The following C8orf58 variants were observed in gnomAD, a reference collection of about 807,000 sequenced individuals.
The protein encoded by C8orf58 is uncharacterized protein C8orf58.
A neutral mutation model predicts 36.8 loss-of-function variants in C8orf58; 31 were observed. The observed-to-expected ratio is 0.84, with a 90% CI of 0.63 to 1.14. The LOEUF (loss-of-function observed/expected upper bound fraction) is 1.14, where lower values mean the gene tolerates loss of function less well. Among genes scored for constraint, C8orf58 ranks in the 50% most tolerant of loss-of-function variants. The probability of loss-of-function intolerance (pLI) is 0.00; values close to 1 mark genes in which losing one functional copy is unlikely to be tolerated. For synonymous variants in C8orf58, 230 were observed against 200.2 expected (o/e 1.15, Z -1.26); for missense variants, 538 against 480.8 (o/e 1.12, Z -1.11).
rs1586936770 is a variant in C8orf58 at position 22,599,732 on chromosome 8, G to C, written c.12G>C (p.Arg4=). The C allele has an allele frequency of 8.2e-7, 1 of 1,218,752 alleles. No homozygotes were observed. 75.5% of individuals were successfully genotyped at this position (1,218,752 alleles called of 1,614,324 possible). ...GCCGGGAGCGGGCCATGATGGGCCG[G>C]CGGCGCGCCTTCGCCGTGGACGGCC... The part of the protein sequence containing the change: MMG[R]RRAFAVDGRD... The change falls in exon 1 of 7, where the codon CGG becomes CGC. Residue 4 remains arginine (R), a synonymous_variant. Coordinates refer to ENST00000289989, the MANE Select transcript of C8orf58 (RefSeq NM_001013842.3).
intron 5 of C8orf58, 79 bp from the exon 6 acceptor site, chr8:22,602,458 G>A (rs1170473019): frequency 1.5e-6 from 2 of 1,373,410 alleles, no homozygotes; most frequent in Non-Finnish European, 1.0e-6. Flanking sequence ...TCCTGGCTGT[G>A]GCGACAGCTG....
Position 22,599,672 on chromosome 8 carries a change from G to A in C8orf58, c.-49G>A. 1 of 1,086,996 alleles carries A rather than the reference G, an allele frequency of 9.2e-7. No homozygotes were observed. The highest frequency in any genetic ancestry group is 1.2e-6 in the Non-Finnish European group (1 of 864,820). 67.3% of individuals were successfully genotyped at this position (1,086,996 alleles called of 1,614,324 possible). On this transcript the variant is annotated 5_prime_UTR_variant, in exon 1 of 7. Coordinates refer to ENST00000289989, the MANE Select transcript of C8orf58 (RefSeq NM_001013842.3). ...CCCGAGCTCCGCGGGGACTCGGGCC[G>A]GGATCCTCGGGCGGCTGCATTGGCC...
At chr8:22,602,470 C>A in intron 5 of C8orf58, 67 bp from the exon 6 acceptor site, 1 of 1,424,916 alleles carries the variant, frequency 7.0e-7, no homozygotes, top group Non-Finnish European at 9.8e-7. Flanking sequence ...CGACAGCTGT[C>A]TCTGGGAGCT....
chr8:22,603,180 C>T lies in C8orf58; in HGVS notation c.987-15C>T. On this transcript the variant is annotated splice_polypyrimidine_tract_variant and intron_variant, in intron 6 of 6. Transcript: ENST00000289989. ...TTTCCCCCTTCTAGCCTAATGTCTT[C>T]TTTTCATTCCACAGGATCGAGTCCA... 6.3e-7 allele frequency: 1 copy of T among 1,585,246 alleles called. No homozygotes were observed. The highest frequency in any genetic ancestry group is 8.7e-7 in the Non-Finnish European group (1 of 1,154,120).
At chr8:22,599,978 C>T in intron 1 of C8orf58, 1 of 361,064 alleles carries the variant, frequency 2.8e-6, no homozygotes, top group Non-Finnish European at 4.9e-6. Context: ...TTAAACCAGC[C>T]ACCGCCTCCG....
Position 22,602,605 on chromosome 8 carries a change from C to G in C8orf58, c.948C>G (p.His316Gln). The G allele has an allele frequency of 6.4e-7, 1 of 1,563,890 alleles. No individual in the cohort carries two copies. The highest frequency in any genetic ancestry group is 8.7e-7 in the Non-Finnish European group (1 of 1,151,044). The stretch of plus-strand genomic sequence containing the variant: ...GGATCTGCCGGAGAAGCCACCACCA[C>G]CCTGAGCCCCCTGCCCCTCCTGATG... ...LNRICRRSHH[H>Q]PEPPAPPDGS... Residue 316 changes from histidine (H) to glutamine (Q), a missense_variant, in exon 6 of 7, where the codon CAC (histidine) becomes CAG (glutamine). By Grantham distance (24) the His-to-Gln change is conservative. Coordinates refer to ENST00000289989, the MANE Select transcript of C8orf58 (RefSeq NM_001013842.3).
rs1800929846 is a variant in C8orf58 at position 22,603,283 on chromosome 8, G to A, written c.1075G>A (p.Ala359Thr). The change falls in exon 7 of 7, where the codon GCA becomes ACA. Residue 359 changes from alanine (A) to threonine (T), a missense_variant. Ala to Thr is a moderately conservative substitution (Grantham distance 58, BLOSUM62 0). Transcript: ENST00000289989. ...ATCATTAGTGGTTAAGAAGCAACGA[G>A]CAAAAAACCTTTCTGTAGGCTGAGA... ...MPSLVVKKQR[A>T]KNLSVG 4 of 1,613,782 alleles carry A rather than the reference G, an allele frequency of 2.5e-6. No homozygotes were observed. The highest frequency in any genetic ancestry group is 3.4e-6 in the Non-Finnish European group (4 of 1,179,932).
intron 6 of C8orf58, chr8:22,602,914 C>G (rs1219053736): frequency 3.4e-6 from 2 of 585,056 alleles, no homozygotes; most frequent in East Asian, 2.8e-5. Context: ...TACCCTAGCT[C>G]AGCAACCCCT....
In C8orf58 at chr8:22,603,281, G is replaced by C. The variant is rs140424872; in HGVS notation, c.1073G>C (p.Arg358Pro). The change falls in exon 7 of 7, where the codon CGA (arginine) becomes CCA (proline). Residue 358 changes from arginine (R) to proline (P), a missense_variant. Transcript: ENST00000289989. Reference sequence around the variant, plus strand: ...CCATCATTAGTGGTTAAGAAGCAACGAGCAAAAAACCTTTCTGTAGGCTGA... The same window carrying C: ...CCATCATTAGTGGTTAAGAAGCAACCAGCAAAAAACCTTTCTGTAGGCTGA... ...FMPSLVVKKQ[R>P]AKNLSVG The C allele has an allele frequency of 1.2e-5, 19 of 1,613,874 alleles. No individual in the cohort carries two copies. Among genetic ancestry groups the C allele is most frequent in the Admixed American group, 6.7e-5 (4 of 60,020 alleles).
intron 3 of C8orf58, 52 bp downstream of exon 3, chr8:22,601,904 C>T (rs1800872370): frequency 6.4e-7 from 1 of 1,558,962 alleles, no homozygotes; most frequent in African/African-American, 1.4e-5. Flanking sequence ...CCCTGGGAAC[C>T]ATGGCTGCCC....
intron 1 of C8orf58, chr8:22,600,143 T>G: frequency 1.1e-5 from 2 of 176,864 alleles, no homozygotes; most frequent in Non-Finnish European, 1.2e-5. Context: ...TGGGTTGGCA[T>G]TCGGCTCCCG....
chr8:22,601,992 G>C lies in C8orf58; in HGVS notation c.678G>C (p.Ser226=). Residue 226 remains serine (S), a synonymous_variant, in exon 4 of 7, where the codon TCG becomes TCC. Transcript: ENST00000289989. ...CATAGGATCCCGGCGAGGAGGAGTC[G>C]ACCCGAGCCCCTTTACCGTCCCCGT... ...RPPGDPGEEE[S]TRAPLPSPLH... 7 of 1,557,034 alleles carry C rather than the reference G, an allele frequency of 4.5e-6. No individual in the cohort carries two copies. The highest frequency in any genetic ancestry group is 5.2e-6 in the Non-Finnish European group (6 of 1,147,992).
chr8:22,599,847 C>T (rs1375584491), intron 1 of C8orf58, 87 bp downstream of exon 1: 3 of 601,952 alleles, frequency 5.0e-6, no homozygotes, highest in Non-Finnish European at 7.2e-6. Flanking sequence ...CTCTCAGTTT[C>T]TTGCCCAGCC....
chr8:22,601,389 G>A, intron 2 of C8orf58, 32 bp downstream of exon 2: 1 of 1,488,686 alleles, frequency 6.7e-7, no homozygotes, highest in South Asian at 1.3e-5. Flanking sequence ...GGGTTTAAGA[G>A]TGGGATGGAC....
In C8orf58 at chr8:22,603,303, C is replaced by T. The variant is rs1290104446; in HGVS notation, c.1095C>T (p.Gly365=). The change falls in exon 7 of 7, where the codon GGC becomes GGT. Residue 365 remains glycine, a synonymous_variant. Transcript: ENST00000289989. The part of the protein sequence containing the change: ...KKQRAKNLSV[G] ...AACGAGCAAAAAACCTTTCTGTAGG[C>T]TGAGACCTCTCGGTGCACCTGGTGA... 9 of 1,609,392 alleles carry T rather than the reference C, an allele frequency of 5.6e-6. No individual in the cohort carries two copies. Among genetic ancestry groups the T allele is most frequent in the African/African-American group, 2.7e-5 (2 of 74,868 alleles).
At chr8:22,600,837 G>T (rs372629327) in intron 1 of C8orf58, 45 bp from the exon 2 acceptor site, 5 of 1,473,112 alleles carry the variant, frequency 3.4e-6, no homozygotes, top group African/African-American at 1.4e-5. Flanking sequence ...AATGCTGGGG[G>T]TGTTGGGGGT....
rs3817695 is a variant in C8orf58, at chr8:22,599,649, C to T, written c.-72C>T. 4,338 of 900,114 alleles carry T rather than the reference C, an allele frequency of 4.8e-3. 116 individuals carry two copies. The East Asian group carries it at 0.067, about 14-fold the overall frequency. 55.8% of individuals were successfully genotyped at this position (900,114 alleles called of 1,614,324 possible). A position where few individuals can be genotyped will look rare whatever the true frequency, so the allele number is the denominator to read the frequency against. On this transcript the variant is annotated 5_prime_UTR_variant, in exon 1 of 7. Transcript: ENST00000289989. ...GTCGGGACGCGCTCCCTGAGCTGCC[C>T]GAGCTCCGCGGGGACTCGGGCCGGG...
At chr8:22,600,838 T>G in intron 1 of C8orf58, 44 bp from the exon 2 acceptor site, 1 of 1,467,150 alleles carries the variant, frequency 6.8e-7, no homozygotes, top group Non-Finnish European at 9.3e-7. Context: ...ATGCTGGGGG[T>G]GTTGGGGGTG....
Position 22,601,139 on chromosome 8 carries a change from G to A in C8orf58, c.298G>A (p.Glu100Lys). 6.2e-7 allele frequency: 1 copy of A among 1,611,408 alleles called. No homozygotes were observed. Among genetic ancestry groups the A allele is most frequent in the Non-Finnish European group, 8.5e-7 (1 of 1,179,738 alleles). ...SLDFESSGSS[E>K]PPAQVGRLLA... Reference sequence around the variant, plus strand: ...GGACTTTGAATCCTCAGGGAGTTCTGAGCCCCCCGCCCAGGTAGGCCGACT... The same window carrying A: ...GGACTTTGAATCCTCAGGGAGTTCTAAGCCCCCCGCCCAGGTAGGCCGACT... Residue 100 changes from glutamate to lysine, a missense_variant, in exon 2 of 7, where the codon GAG (glutamate) becomes AAG (lysine). Coordinates refer to ENST00000289989, the MANE Select transcript of C8orf58 (RefSeq NM_001013842.3).
Sources: allele counts gnomAD v4.1 joint callset, GRCh38; gene constraint gnomAD v4.1.1; transcripts MANE v1.5; gene names NCBI Gene and HGNC (gene_info 2026-07-23, HGNC 2026-07-21).